The following TUSC3 variants were observed in gnomAD, a reference collection of about 807,000 sequenced individuals.
TUSC3 encodes dolichyl-diphosphooligosaccharide--protein glycosyltransferase subunit TUSC3.
Under a neutral mutation model 44.8 loss-of-function variants are expected in TUSC3, and 45 were observed. The observed-to-expected ratio is 1.00, with a 90% CI of 0.79 to 1.29. The LOEUF (loss-of-function observed/expected upper bound fraction) is 1.29. Among genes scored for constraint, TUSC3 ranks in the 50% most tolerant of loss-of-function variants. The pLI is 0.00. For missense variants in TUSC3, 519 were observed against 437.9 expected (o/e 1.19, Z -1.65); for synonymous variants, 212 against 152.9 (o/e 1.39, Z -2.85).
rs549845540 is a variant in TUSC3, at chr8:15,487,457, A to G, written n.189+3974A>G. On this transcript the variant is annotated intron_variant and non_coding_transcript_variant, in intron 2 of 5. Coordinates refer to the TUSC3 transcript ENST00000503191. The stretch of plus-strand genomic sequence containing the variant: ...CAGTCACTGACAGTGGCCAAAGTCT[A>G]TCTTAAAAGTTTTTAGATGAGTTGA... Among the ~76,000 whole-genome samples, 11 of 152,308 alleles carry G rather than the reference A, an allele frequency of 7.2e-5. No individual in the cohort carries two copies. The South Asian group carries it at 2.1e-3, about 29-fold the overall frequency.
At chr8:15,497,020 T>A (rs775763106) in intron 2 of TUSC3, among the ~76,000 whole-genome samples, 1 of 152,096 alleles carries the variant, frequency 6.6e-6, no homozygotes, top group Admixed American at 6.5e-5. Context: ...TCTAAAAAGA[T>A]AGGGGAAGCA....
At chr8:15,490,497 G>T (rs1344845625) in intron 2 of TUSC3, among the ~76,000 whole-genome samples, 1 of 152,158 alleles carries the variant, frequency 6.6e-6, no homozygotes, top group African/African-American at 2.4e-5. Flanking sequence ...AAGGCCTGCT[G>T]ACGTTGAGGT....
chr8:15,496,559 A>G (rs1008047870), intron 2 of TUSC3, among the ~76,000 whole-genome samples: 1 of 152,092 alleles, frequency 6.6e-6, no homozygotes. Context: ...TTTGGGAGAG[A>G]GTGATTTTTC....
At chr8:15,489,291 A>C (rs1585063445) in intron 2 of TUSC3, among the ~76,000 whole-genome samples, 1 of 152,322 alleles carries the variant, frequency 6.6e-6, no homozygotes, top group Admixed American at 6.5e-5. Context: ...GGAGGAATTA[A>C]GTTGTTATTT....
intron 2 of TUSC3, among the ~76,000 whole-genome samples, chr8:15,533,238 C>G (rs539177052): frequency 3.9e-5 from 6 of 152,316 alleles, no homozygotes; most frequent in Non-Finnish European, 7.3e-5. Flanking sequence ...CATTAAACCT[C>G]TTTTTCTTCC....
At chr8:15,592,392 C>G (rs1261663351) in intron 1 of TUSC3, among the ~76,000 whole-genome samples, 2 of 151,988 alleles carry the variant, frequency 1.3e-5, no homozygotes, top group Non-Finnish European at 2.9e-5. Flanking sequence ...AAATGTGATC[C>G]CAATGTTGGA....
chr8:15,465,971 T>A (rs1352724144), intron 1 of TUSC3, among the ~76,000 whole-genome samples: 1 of 152,160 alleles, frequency 6.6e-6, no homozygotes, highest in African/African-American at 2.4e-5. Flanking sequence ...ATCCAAGTGT[T>A]TGAAACTCAA....
At chr8:15,604,264 C>G (rs1045985646) in intron 1 of TUSC3, among the ~76,000 whole-genome samples, 2 of 151,502 alleles carry the variant, frequency 1.3e-5, no homozygotes, top group East Asian at 3.9e-4. Flanking sequence ...TTGAGAAAAA[C>G]AGTGTTTTTA....
chr8:15,846,600 C>T, the TUSC3 span, among the ~76,000 whole-genome samples: 1 of 152,064 alleles, frequency 6.6e-6, no homozygotes, highest in Admixed American at 6.6e-5. Flanking sequence ...AGCAAACTAA[C>T]ATAAGAACAG....
At chr8:15,802,670 T>G in the TUSC3 span, among the ~76,000 whole-genome samples, 2 of 151,760 alleles carry the variant, frequency 1.3e-5, no homozygotes, top group African/African-American at 4.8e-5. Flanking sequence ...TTAATTACTT[T>G]TTTTTTTTTG....
chr8:15,801,843 A>G, the TUSC3 span, among the ~76,000 whole-genome samples: 1 of 152,196 alleles, frequency 6.6e-6, no homozygotes, highest in Non-Finnish European at 1.5e-5. Flanking sequence ...TGTTCAAGAA[A>G]TTGAATCAAC....
chr8:15,495,130 A>G (rs1800864327), intron 2 of TUSC3, among the ~76,000 whole-genome samples: 1 of 151,054 alleles, frequency 6.6e-6, no homozygotes, highest in Non-Finnish European at 1.5e-5. Context: ...TATATGTACC[A>G]TATTTTCTTC....
intron 6 of TUSC3, among the ~76,000 whole-genome samples, chr8:15,681,730 C>T (rs904466275): frequency 9.2e-5 from 14 of 151,634 alleles, no homozygotes; most frequent in Non-Finnish European, 2.1e-4. Flanking sequence ...CTAGTTTTTT[C>T]TTGTTTTTCT....
intron 6 of TUSC3, among the ~76,000 whole-genome samples, chr8:15,696,232 T>G (rs1563178142): frequency 6.6e-6 from 1 of 152,116 alleles, no homozygotes. Flanking sequence ...ACTTGGTGCC[T>G]TGCATCCTTG....
At chr8:15,836,944 C>A in the TUSC3 span, among the ~76,000 whole-genome samples, 1 of 152,074 alleles carries the variant, frequency 6.6e-6, no homozygotes, top group Non-Finnish European at 1.5e-5. Flanking sequence ...AACTGCAATT[C>A]CCACATTTAT....
intron 1 of TUSC3, among the ~76,000 whole-genome samples, chr8:15,617,672 A>G (rs989226125): frequency 6.6e-6 from 1 of 152,224 alleles, no homozygotes; most frequent in African/African-American, 2.4e-5. Flanking sequence ...TTATTTGTGT[A>G]CAGCTTCTTT....
downstream of TUSC3, among the ~76,000 whole-genome samples, chr8:15,770,780 T>G (rs1184910885): frequency 6.6e-6 from 1 of 151,954 alleles, no homozygotes; most frequent in Non-Finnish European, 1.5e-5. Flanking sequence ...CAAAAGACTG[T>G]TAGACACTAT....
the TUSC3 span, among the ~76,000 whole-genome samples, chr8:15,781,082 C>G: frequency 3.3e-5 from 5 of 152,178 alleles, no homozygotes; most frequent in Non-Finnish European, 4.4e-5. Flanking sequence ...TGAGCAGGAG[C>G]TTAGCACTTC....
chr8:15,524,617 G>C (rs2129130006), intron 2 of TUSC3, among the ~76,000 whole-genome samples: 1 of 152,286 alleles, frequency 6.6e-6, no homozygotes, highest in Non-Finnish European at 1.5e-5. Flanking sequence ...GGATAATTGT[G>C]ACCATGTGTG....
Sources: allele counts gnomAD v4.1 joint callset (sites outside exome capture counted in the v4.1 genomes callset), GRCh38; gene constraint gnomAD v4.1.1; transcripts MANE v1.5; gene names NCBI Gene and HGNC (gene_info 2026-07-23, HGNC 2026-07-21).